Variants in BMPR1A observed in about 807,000 individuals in gnomAD.
BMPR1A encodes bone morphogenetic protein receptor type-1A.
A neutral mutation model predicts 66.0 loss-of-function variants in BMPR1A; 7 were observed. The observed-to-expected ratio is 0.11, with a 90% CI of 0.06 to 0.20. BMPR1A has a LOEUF of 0.20. BMPR1A is among the 10% of genes least tolerant of loss of function. BMPR1A has a pLI of 1.00. For synonymous variants in BMPR1A, 200 were observed against 229.7 expected (o/e 0.87, Z 1.17); for missense variants, 408 against 669.1 (o/e 0.61, Z 4.31).
At chr10:86,860,946 A>G (rs188149390) in intron 2 of BMPR1A, among the ~76,000 whole-genome samples, 7 of 143,226 alleles carry the variant, frequency 4.9e-5, no homozygotes, top group African/African-American at 7.9e-5. Context: ...GGTTCATGCC[A>G]TTCTCCTGCC....
At chr10:86,855,567 A>T in intron 2 of BMPR1A, 1 of 528,832 alleles carries the variant, frequency 1.9e-6, no homozygotes, top group Admixed American at 2.9e-5. Flanking sequence ...TATTTTTTGA[A>T]ATAGTACTTT....
At chr10:86,807,503 C>T (rs2132910906) in intron 1 of BMPR1A, among the ~76,000 whole-genome samples, 1 of 152,174 alleles carries the variant, frequency 6.6e-6, no homozygotes, top group East Asian at 1.9e-4. Flanking sequence ...GCCTCAGCCT[C>T]CTGAGTAGCT....
At chr10:86,757,988 T>G (rs1847905990) in intron 1 of BMPR1A, among the ~76,000 whole-genome samples, 1 of 152,260 alleles carries the variant, frequency 6.6e-6, no homozygotes, top group Non-Finnish European at 1.5e-5. Flanking sequence ...ACTACTTTAT[T>G]GTATTTACTT....
In BMPR1A at chr10:86,770,819, G is replaced by A. The variant is rs1841246371; in HGVS notation, c.-268+13900G>A. ...AGGGAGATTTGACCAACCACAATTA[G>A]GGATAGGGATAGAGAAACAATTGTT... On this transcript the variant is annotated intron_variant, in intron 1 of 12. Coordinates refer to ENST00000372037, the MANE Select transcript of BMPR1A (RefSeq NM_004329.3). Among the ~76,000 whole-genome samples, 3 of 152,210 alleles carry A rather than the reference G, an allele frequency of 2.0e-5. No homozygotes were observed. In the South Asian group the frequency reaches 6.2e-4, roughly 32 times the overall value.
At chr10:86,898,729 T>C (rs1294639244) in intron 5 of BMPR1A, among the ~76,000 whole-genome samples, 1 of 152,214 alleles carries the variant, frequency 6.6e-6, no homozygotes, top group Admixed American at 6.5e-5. Flanking sequence ...ATTTTAGCTT[T>C]CCTGGAACCG....
rs561494780 is a variant in BMPR1A at position 86,908,060 on chromosome 10, T to A, written c.531-4180T>A. Among the ~76,000 whole-genome samples the A allele has an allele frequency of 3.3e-5, 5 of 152,162 alleles. No individual in the cohort carries two copies. In the East Asian group the frequency reaches 9.6e-4, roughly 29 times the overall value. On this transcript the variant is annotated intron_variant, in intron 7 of 12. Transcript: ENST00000372037. ...TCTACAAAAAAATACAAAAATTAGC[T>A]GGGCATGGTGGTGCACATCTGTGGT...
chr10:86,900,419 A>G (rs1346808887), intron 7 of BMPR1A, among the ~76,000 whole-genome samples: 1 of 149,480 alleles, frequency 6.7e-6, no homozygotes, highest in African/African-American at 2.5e-5. Context: ...CCACTGTGTT[A>G]TAATTCTTTT....
chr10:86,821,923 C>A (rs1464082339), intron 1 of BMPR1A, among the ~76,000 whole-genome samples: 2 of 152,256 alleles, frequency 1.3e-5, no homozygotes, highest in East Asian at 1.9e-4. Flanking sequence ...CTCACTTCAG[C>A]CTCCTGAGTA....
chr10:86,894,624 G>C (rs1425073174), intron 5 of BMPR1A, among the ~76,000 whole-genome samples: 2 of 152,192 alleles, frequency 1.3e-5, no homozygotes, highest in Non-Finnish European at 2.9e-5. Flanking sequence ...TGTTAAACTT[G>C]ACAAGCTGTT....
In BMPR1A at chr10:86,917,344, C is replaced by G. The variant is rs1843589818; in HGVS notation, c.868+18C>G. 2.5e-6 allele frequency: 4 copies of G among 1,613,690 alleles called. No homozygotes were observed. Among genetic ancestry groups the G allele is most frequent in the Admixed American group, 1.7e-5 (1 of 59,972 alleles). ...CATACTTGGTGGGTACACACTGATT[C>G]AGTCAATTTCATTTTTGACAAGGCT... On this transcript the variant is annotated intron_variant, in intron 9 of 12. Coordinates refer to ENST00000372037, the MANE Select transcript of BMPR1A (RefSeq NM_004329.3).
At chr10:86,907,060 T>TC (rs1843405143) in intron 7 of BMPR1A, among the ~76,000 whole-genome samples, 1 of 152,220 alleles carries the variant, frequency 6.6e-6, no homozygotes, top group Admixed American at 6.5e-5. Flanking sequence ...GCTGAGACTC[T>TC]CCATCTGTGT....
At chr10:86,906,744 A>C (rs1472037287) in intron 7 of BMPR1A, among the ~76,000 whole-genome samples, 2 of 139,288 alleles carry the variant, frequency 1.4e-5, no homozygotes, top group Admixed American at 7.3e-5. Context: ...AAAAAAAAAA[A>C]AAAAAAAAAA....
At position 86,911,419 on chromosome 10, in the gene BMPR1A, C is replaced by T. The variant is rs568602072; in HGVS notation, c.531-821C>T. Among the ~76,000 whole-genome samples the T allele has an allele frequency of 1.4e-4, 22 of 152,180 alleles. No individual in the cohort carries two copies. The South Asian group carries it at 4.6e-3, about 32-fold the overall frequency. Reference sequence around the variant, plus strand: ...CTACAAATCAATGAGGAGAAGAGTTCAGGGAACACTTCAATTGAATAATGT... The same window carrying T: ...CTACAAATCAATGAGGAGAAGAGTTTAGGGAACACTTCAATTGAATAATGT... On this transcript the variant is annotated intron_variant, in intron 7 of 12. Coordinates refer to ENST00000372037, the MANE Select transcript of BMPR1A (RefSeq NM_004329.3).
intron 2 of BMPR1A, among the ~76,000 whole-genome samples, chr10:86,874,205 C>T (rs1371004366): frequency 2.0e-5 from 3 of 152,128 alleles, no homozygotes; most frequent in East Asian, 3.9e-4. Flanking sequence ...CCTTTTCCCC[C>T]GTTATTTATT....
intron 11 of BMPR1A, among the ~76,000 whole-genome samples, chr10:86,922,742 G>A (rs890030620): frequency 1.3e-5 from 2 of 152,244 alleles, no homozygotes; most frequent in African/African-American, 4.8e-5. Flanking sequence ...ACTGGAGGCT[G>A]GTCACATAGG....
intron 1 of BMPR1A, among the ~76,000 whole-genome samples, chr10:86,767,197 A>G (rs1431208363): frequency 2.0e-5 from 3 of 152,178 alleles, no homozygotes; most frequent in African/African-American, 2.4e-5. Flanking sequence ...TTGCTGTTGT[A>G]TGAATATTAA....
At chr10:86,917,388 G>C in intron 9 of BMPR1A, 62 bp downstream of exon 9, 1 of 1,578,438 alleles carries the variant, frequency 6.3e-7, no homozygotes, top group Non-Finnish European at 8.7e-7. Flanking sequence ...ACAGGTGGAA[G>C]CCTCCATATG....
At chr10:86,830,175 G>T (rs1178844726) in intron 1 of BMPR1A, among the ~76,000 whole-genome samples, 1 of 152,168 alleles carries the variant, frequency 6.6e-6, no homozygotes, top group Non-Finnish European at 1.5e-5. Context: ...GACCGTAACA[G>T]GATTCTTTCT....
Position 86,772,997 on chromosome 10 carries a change from ATAAGT to A in BMPR1A, c.-268+16080_-268+16084del, listed in dbSNP as rs1841288129. 2.0e-5 allele frequency among the ~76,000 whole-genome samples: 3 copies of A among 152,178 alleles called. No individual in the cohort carries two copies. The South Asian group carries it at 6.2e-4, about 32-fold the overall frequency. On this transcript the variant is annotated intron_variant, in intron 1 of 12. Transcript: ENST00000372037. ...TACTGTAATTTAAGAATTTGTGCAA[ATAAGT>A]TGAGTAAAGCTAAGTTCATCCTGAG...
Sources: gnomAD v4.1 joint callset for allele counts (sites outside exome capture counted in the v4.1 genomes callset) on GRCh38, gnomAD v4.1.1 for gene constraint, MANE v1.5 for transcripts, NCBI Gene and HGNC (gene_info 2026-07-23, HGNC 2026-07-21) for gene names.